The following MACROD2 variants were observed in gnomAD, a reference collection of about 807,000 sequenced individuals.
MACROD2 encodes the protein mono-ADP ribosylhydrolase 2.
A neutral mutation model predicts 70.4 loss-of-function variants in MACROD2; 36 were observed. The ratio of observed to expected loss-of-function variants is 0.51; its 90% confidence interval spans 0.39 to 0.68. The LOEUF (loss-of-function observed/expected upper bound fraction) is 0.68. Among genes scored for constraint, MACROD2 ranks in the 30% least tolerant of loss-of-function variants. MACROD2 has a pLI of 0.00. For synonymous variants in MACROD2, 172 were observed against 178.8 expected (o/e 0.96, Z 0.30); for missense variants, 496 against 538.4 (o/e 0.92, Z 0.78).
intron 5 of MACROD2, among the ~76,000 whole-genome samples, chr20:14,857,865 G>A (rs1306544958): frequency 2.7e-5 from 4 of 148,410 alleles, no homozygotes; most frequent in African/African-American, 9.8e-5. Flanking sequence ...TTGTCGCCCA[G>A]GCTGGAGTAC....
At chr20:14,085,940 G>A (rs2054071935) in intron 3 of MACROD2, among the ~76,000 whole-genome samples, 2 of 152,122 alleles carry the variant, frequency 1.3e-5, no homozygotes, top group Admixed American at 1.3e-4. Flanking sequence ...AGTGAAAGGC[G>A]CTAGGTTGAG....
rs1416901923 is a variant in MACROD2, at chr20:15,281,824, C to T, written c.540+51763C>T. On this transcript the variant is annotated intron_variant, in intron 6 of 17. Transcript: ENST00000684519. ...CCATTAGACAGTGCCCCAGTGGGGA[C>T]TCTGGAGACTCTAACCCCACATTTC... Among the ~76,000 whole-genome samples the T allele has an allele frequency of 2.0e-5, 3 of 152,222 alleles. No homozygotes were observed. In the East Asian group the frequency reaches 5.8e-4, roughly 29 times the overall value.
chr20:14,320,246 C>G (rs1199754280), intron 3 of MACROD2, among the ~76,000 whole-genome samples: 1 of 152,114 alleles, frequency 6.6e-6, no homozygotes, highest in Non-Finnish European at 1.5e-5. Context: ...CAATATTCTA[C>G]TTTTTTTACT....
At chr20:15,834,697 A>G (rs2064093701) in intron 8 of MACROD2, among the ~76,000 whole-genome samples, 2 of 152,222 alleles carry the variant, frequency 1.3e-5, no homozygotes, top group South Asian at 4.1e-4. Flanking sequence ...CACATATTAG[A>G]CACTCTGATG....
chr20:15,684,444 C>G (rs973914260), intron 8 of MACROD2, among the ~76,000 whole-genome samples: 20 of 152,216 alleles, frequency 1.3e-4, no homozygotes, highest in African/African-American at 4.8e-4. Flanking sequence ...GCACTGTCAG[C>G]TTGAAGTGAG....
At position 14,238,006 on chromosome 20, in the gene MACROD2, C is replaced by T. The variant is rs8119158; in HGVS notation, c.271+152278C>T. ...TGTGAATAGTGCCACAATAAACATA[C>T]GTGTGCATGTGTCTTTATAGCAGCA... On this transcript the variant is annotated intron_variant, in intron 3 of 17. Transcript: ENST00000684519. 1.1e-4 allele frequency among the ~76,000 whole-genome samples: 17 copies of T among 151,956 alleles called. 1 individual carries two copies. The highest frequency in any genetic ancestry group is 7.7e-4 in the East Asian group (4 of 5,170).
intron 4 of MACROD2, among the ~76,000 whole-genome samples, chr20:14,560,510 A>G (rs1005005654): frequency 5.9e-5 from 9 of 151,972 alleles, no homozygotes; most frequent in Non-Finnish European, 1.3e-4. Flanking sequence ...AGAGATAAGA[A>G]AAGGGAAAAA....
intron 5 of MACROD2, among the ~76,000 whole-genome samples, chr20:14,826,118 C>T (rs149810696): frequency 2.1e-4 from 32 of 151,990 alleles, no homozygotes; most frequent in African/African-American, 7.7e-4. Flanking sequence ...CAGTAAAACA[C>T]TGAACTTGAT....
intron 6 of MACROD2, among the ~76,000 whole-genome samples, chr20:15,320,237 G>A (rs1040571765): frequency 6.6e-6 from 1 of 151,994 alleles, no homozygotes; most frequent in South Asian, 2.1e-4. Flanking sequence ...ACATTGTCAG[G>A]GGTTTAGAGG....
At chr20:14,210,115 A>C (rs952665893) in intron 3 of MACROD2, among the ~76,000 whole-genome samples, 3 of 152,224 alleles carry the variant, frequency 2.0e-5, no homozygotes, top group South Asian at 4.1e-4. Flanking sequence ...GTCTTTTGCC[A>C]CATGTACTGA....
Position 14,096,104 on chromosome 20 carries a change from T to C in MACROD2, c.271+10376T>C, listed in dbSNP as rs554387275. On this transcript the variant is annotated intron_variant, in intron 3 of 17. Transcript: ENST00000684519. Reference sequence around the variant, plus strand: ...AATTAAGGTTAAAAATGTCTGTGGGTCCTAGTAAATTATATTGGCACACTT... The same window carrying C: ...AATTAAGGTTAAAAATGTCTGTGGGCCCTAGTAAATTATATTGGCACACTT... Among the ~76,000 whole-genome samples the C allele has an allele frequency of 1.7e-4, 26 of 152,230 alleles. No individual in the cohort carries two copies. The South Asian group carries it at 4.4e-3, about 26-fold the overall frequency.
rs899616976 is a variant in MACROD2, at chr20:13,995,520, G to A, written c.-244G>A. Reference sequence around the variant, plus strand: ...AGCGCGAGGCGTGACCTAGTTGACAGGCTCTGAGGTGCTGCTGTGGCGGCG... The same window carrying A: ...AGCGCGAGGCGTGACCTAGTTGACAAGCTCTGAGGTGCTGCTGTGGCGGCG... On this transcript the variant is annotated 5_prime_UTR_variant, in exon 1 of 18. Coordinates refer to ENST00000684519, the MANE Select transcript of MACROD2 (RefSeq NM_001351661.2). The surrounding 1 kb of genome is among the most constrained non-coding windows in gnomAD (Gnocchi z 4.3). 3.4e-6 allele frequency: 2 copies of A among 587,158 alleles called. No individual in the cohort carries two copies. The highest frequency in any genetic ancestry group is 1.9e-5 in the African/African-American group (1 of 52,834). The allele number at this position is 587,158 out of a possible 1,614,324, so 36.4% of individuals were successfully genotyped here. A position where few individuals can be genotyped will look rare whatever the true frequency, so the allele number is the denominator to read the frequency against.
chr20:15,840,633 T>C (rs2064160152), intron 8 of MACROD2, among the ~76,000 whole-genome samples: 1 of 152,162 alleles, frequency 6.6e-6, no homozygotes, highest in African/African-American at 2.4e-5. Flanking sequence ...CCCAAAGGCA[T>C]TGTGACATCT....
At chr20:14,462,111 C>A (rs539784932) in intron 3 of MACROD2, among the ~76,000 whole-genome samples, 3 of 152,062 alleles carry the variant, frequency 2.0e-5, no homozygotes, top group Non-Finnish European at 4.4e-5. Context: ...GTCGCCACAC[C>A]GACTTCCACA....
At chr20:14,440,271 G>C (rs2084106717) in intron 3 of MACROD2, among the ~76,000 whole-genome samples, 1 of 151,996 alleles carries the variant, frequency 6.6e-6, no homozygotes, top group South Asian at 2.1e-4. Context: ...AACCCCAGCT[G>C]GTCACAATGG....
At chr20:15,194,244 T>C (rs1484198917) in intron 5 of MACROD2, among the ~76,000 whole-genome samples, 1 of 4,846 alleles carries the variant, frequency 2.1e-4, no homozygotes, top group Non-Finnish European at 4.5e-4. Flanking sequence ...ACACTCTGTC[T>C]CAAAAAAAAA....
intron 3 of MACROD2, among the ~76,000 whole-genome samples, chr20:14,270,029 A>G (rs779797543): frequency 2.6e-5 from 4 of 152,172 alleles, no homozygotes; most frequent in Non-Finnish European, 5.9e-5. Flanking sequence ...ATTATATTCA[A>G]TAAAGAAATT....
At chr20:15,675,458 AC>A (rs1215828889) in intron 8 of MACROD2, among the ~76,000 whole-genome samples, 2 of 152,218 alleles carry the variant, frequency 1.3e-5, no homozygotes, top group African/African-American at 4.8e-5. Flanking sequence ...TATCTGTGAC[AC>A]TAGAAAGCCA....
chr20:14,203,534 C>T (rs180671577), intron 3 of MACROD2, among the ~76,000 whole-genome samples: 1 of 152,232 alleles, frequency 6.6e-6, no homozygotes, highest in Admixed American at 6.5e-5. Context: ...ATGGATTGGC[C>T]TTCACTGAGA....
Sources: gnomAD v4.1 joint callset for allele counts (sites outside exome capture counted in the v4.1 genomes callset) on GRCh38, gnomAD v4.1.1 for gene constraint, Gnocchi (gnomAD v3.1) non-coding constraint, MANE v1.5 for transcripts, NCBI Gene and HGNC (gene_info 2026-07-23, HGNC 2026-07-21) for gene names.